Variants in CTIF observed in about 807,000 individuals in gnomAD.
CTIF encodes the protein CBP80/20-dependent translation initiation factor.
In CTIF, 21 loss-of-function variants were observed where a neutral mutation model predicts 66.0. That is an observed-to-expected ratio of 0.32 (90% CI 0.23 to 0.46). The LOEUF is 0.46. Ranked by LOEUF, CTIF falls within the 20% of genes least tolerant of loss-of-function variation. The pLI, the probability that CTIF is intolerant of heterozygous loss-of-function variation, is 1.00. For synonymous variants in CTIF, 345 were observed against 326.4 expected, an observed-to-expected ratio of 1.06 and a Z score of -0.62; for missense variants, 739 against 812.7, an observed-to-expected ratio of 0.91 and a Z score of 1.10.
chr18:48,727,177 A>G (rs2092393782), intron 7 of CTIF, among the ~76,000 whole-genome samples: 1 of 152,120 alleles, frequency 6.6e-6, no homozygotes, highest in African/African-American at 2.4e-5. Flanking sequence ...AAGAGGGGAA[A>G]CAAGAAGCAC....
At chr18:48,630,993 G>A (rs890222524) in intron 2 of CTIF, among the ~76,000 whole-genome samples, 2 of 152,146 alleles carry the variant, frequency 1.3e-5, no homozygotes, top group Non-Finnish European at 2.9e-5. Flanking sequence ...CTAGCTTTAT[G>A]AGATACTTTG....
At chr18:48,821,935 T>C (rs141661212) in intron 10 of CTIF, among the ~76,000 whole-genome samples, 331 of 152,204 alleles carry the variant, frequency 2.2e-3, no homozygotes, top group Non-Finnish European at 3.7e-3. Context: ...CCAGAACATA[T>C]GCATCTTGCA....
intron 1 of CTIF, among the ~76,000 whole-genome samples, chr18:48,556,926 G>A (rs1438602373): frequency 2.0e-5 from 3 of 152,210 alleles, no homozygotes; most frequent in Admixed American, 6.5e-5. Context: ...CTCCAGCTAT[G>A]AGATTGGCAT....
Position 48,630,361 on chromosome 18 carries a change from C to A in CTIF, c.181-6253C>A, listed in dbSNP as rs537257223. On this transcript the variant is annotated intron_variant, in intron 2 of 11. Coordinates refer to ENST00000256413, the MANE Select transcript of CTIF (RefSeq NM_014772.3). ...ACTTGTCTTTATTTGTTCATGATTT[C>A]TTTTGTCGCTTAGAAGTTTGAAATT... Among the ~76,000 whole-genome samples, 6 of 152,304 alleles carry A rather than the reference C, an allele frequency of 3.9e-5. No individual in the cohort carries two copies. In the East Asian group the frequency reaches 7.7e-4, roughly 20 times the overall value.
At chr18:48,763,549 A>G (rs1909220949) in intron 9 of CTIF, among the ~76,000 whole-genome samples, 1 of 152,236 alleles carries the variant, frequency 6.6e-6, no homozygotes, top group African/African-American at 2.4e-5. Flanking sequence ...AGTCCTCTGC[A>G]TTCCCCAGTT....
In CTIF at chr18:48,570,947, T is replaced by C. The variant is rs535491350; in HGVS notation, c.-29+31635T>C. 3.9e-5 allele frequency among the ~76,000 whole-genome samples: 6 copies of C among 152,280 alleles called. No homozygotes were observed. The East Asian group carries it at 1.2e-3, about 29-fold the overall frequency. On this transcript the variant is annotated intron_variant, in intron 1 of 11. Coordinates refer to ENST00000256413, the MANE Select transcript of CTIF (RefSeq NM_014772.3). ...GTGTTGAAAATGTTCTGGAGCTGGA[T>C]AGAGGTGCTGGCTGCACAACAGTGC... is the stretch of plus-strand genomic sequence containing the variant.
chr18:48,787,976 A>G (rs1263863651), intron 9 of CTIF, among the ~76,000 whole-genome samples: 2 of 152,174 alleles, frequency 1.3e-5, no homozygotes, highest in Non-Finnish European at 2.9e-5. Flanking sequence ...TGGGGGTGAC[A>G]TGGGCAGGAT....
At chr18:48,762,005 T>C (rs1167683787) in intron 9 of CTIF, among the ~76,000 whole-genome samples, 10 of 152,240 alleles carry the variant, frequency 6.6e-5, no homozygotes, top group African/African-American at 1.9e-4. Context: ...CTATGTGCTT[T>C]GACCTCTCTA....
intron 9 of CTIF, among the ~76,000 whole-genome samples, chr18:48,809,564 AGGGAACT>A (rs1211475882): frequency 2.6e-5 from 4 of 152,268 alleles, no homozygotes; most frequent in South Asian, 4.1e-4. Context: ...TTTTGTTTAT[AGGGAACT>A]GGTTGGAAAG....
intron 3 of CTIF, among the ~76,000 whole-genome samples, chr18:48,655,238 G>A (rs959313778): frequency 2.7e-5 from 4 of 149,564 alleles, no homozygotes; most frequent in African/African-American, 1.0e-4. Context: ...CTGGGAGGCC[G>A]AGGTTGCAGT....
At chr18:48,658,492 A>G (rs985635349) in intron 3 of CTIF, among the ~76,000 whole-genome samples, 4 of 151,818 alleles carry the variant, frequency 2.6e-5, no homozygotes, top group Non-Finnish European at 5.9e-5. Flanking sequence ...TGGTATATAT[A>G]TGCATGTATG....
intron 9 of CTIF, among the ~76,000 whole-genome samples, chr18:48,794,845 G>C (rs1298854638): frequency 1.3e-5 from 2 of 152,142 alleles, no homozygotes; most frequent in Non-Finnish European, 2.9e-5. Context: ...ATTCGAGTCA[G>C]CACCTGGCAG....
chr18:48,768,408 G>A (rs1909776275), intron 9 of CTIF, among the ~76,000 whole-genome samples: 1 of 152,154 alleles, frequency 6.6e-6, no homozygotes. Flanking sequence ...TCTGGGGCAT[G>A]AGGGGCTTTG....
At chr18:48,783,515 A>T (rs1400807171) in intron 9 of CTIF, among the ~76,000 whole-genome samples, 3 of 152,194 alleles carry the variant, frequency 2.0e-5, no homozygotes, top group African/African-American at 7.2e-5. Flanking sequence ...GTTCACCTGG[A>T]TACCCAGCTC....
chr18:48,846,878 G>C (rs1403721208), intron 10 of CTIF, among the ~76,000 whole-genome samples: 1 of 152,066 alleles, frequency 6.6e-6, no homozygotes, highest in African/African-American at 2.4e-5. Flanking sequence ...TGGATGAGTA[G>C]GCAAGTAGAC....
Position 48,862,704 on chromosome 18 carries a change from G to A in CTIF, c.*3145G>A, listed in dbSNP as rs1310028059. On this transcript the variant is annotated 3_prime_UTR_variant, in exon 12 of 12. Transcript: ENST00000256413. ...TATTTTCTCCGAGGGATGAGGGTGG[G>A]GGGTGTGGGAAGGGTACCACAGATC... The A allele has an allele frequency of 6.6e-6, 1 of 152,568 alleles. No homozygotes were observed. Among genetic ancestry groups the A allele is most frequent in the African/African-American group, 2.4e-5 (1 of 41,454 alleles). The allele number at this position is 152,568 out of a possible 1,614,324, so 9.5% of individuals were successfully genotyped here.
At chr18:48,844,059 C>T (rs187771269) in intron 10 of CTIF, among the ~76,000 whole-genome samples, 38 of 152,308 alleles carry the variant, frequency 2.5e-4, no homozygotes, top group Admixed American at 1.9e-3. Context: ...ATGAGGATTC[C>T]GAAGGTGCTG....
At chr18:48,793,376 A>G (rs1210862831) in intron 9 of CTIF, among the ~76,000 whole-genome samples, 1 of 152,220 alleles carries the variant, frequency 6.6e-6, no homozygotes, top group African/African-American at 2.4e-5. Flanking sequence ...GGAAACTGAC[A>G]GAGAGGATAG....
chr18:48,793,871 TAC>T (rs2067849170), intron 9 of CTIF, among the ~76,000 whole-genome samples: 1 of 152,172 alleles, frequency 6.6e-6, no homozygotes, highest in African/African-American at 2.4e-5. Context: ...AGGCAGCCAA[TAC>T]ACAGACCACA....
Sources: allele counts gnomAD v4.1 joint callset (sites outside exome capture counted in the v4.1 genomes callset), GRCh38; gene constraint gnomAD v4.1.1; transcripts MANE v1.5; gene names NCBI Gene and HGNC (gene_info 2026-07-23, HGNC 2026-07-21).